Variants in ELAVL1 observed in about 807,000 individuals in gnomAD.
ELAVL1 encodes ELAV like RNA binding protein 1.
A neutral mutation model predicts 28.4 loss-of-function variants in ELAVL1; 1 was observed. The ratio of observed to expected loss-of-function variants is 0.04; its 90% CI spans 0.01 to 0.17. ELAVL1 has a LOEUF of 0.17. ELAVL1 is among the 10% of genes least tolerant of loss of function. ELAVL1 has a pLI of 1.00. For synonymous variants in ELAVL1, 174 were observed against 183.5 expected (o/e 0.95, Z 0.42); for missense variants, 157 against 447.2 (o/e 0.35, Z 5.85).
intron 1 of ELAVL1, among the ~76,000 whole-genome samples, chr19:8,001,204 C>A (rs2081066699): frequency 6.6e-6 from 1 of 152,204 alleles, no homozygotes; most frequent in East Asian, 1.9e-4. Context: ...ACCTCCCTGT[C>A]TGCAGCTACA....
At chr19:7,966,156 A>AC in intron 5 of ELAVL1, among the ~76,000 whole-genome samples, 1 of 152,022 alleles carries the variant, frequency 6.6e-6, no homozygotes, top group Non-Finnish European at 1.5e-5. Context: ...ACACAGTGAG[A>AC]CCCCATCTCA....
At chr19:7,997,589 C>T (rs547120837) in intron 1 of ELAVL1, among the ~76,000 whole-genome samples, 4 of 152,064 alleles carry the variant, frequency 2.6e-5, no homozygotes, top group Non-Finnish European at 5.9e-5. Context: ...CAACTTTATC[C>T]GTTTGTCAAA....
intron 1 of ELAVL1, among the ~76,000 whole-genome samples, chr19:7,996,221 AC>A (rs2081047704): frequency 6.9e-6 from 1 of 145,342 alleles, no homozygotes. Flanking sequence ...TTGCTCTGTC[AC>A]CCAGGCTGGA....
In ELAVL1 at chr19:7,959,707, C is replaced by T. The variant is rs985929897; in HGVS notation, c.*3776G>A. 2 of 152,200 alleles carry T rather than the reference C, an allele frequency of 1.3e-5. No individual in the cohort carries two copies. The highest frequency in any genetic ancestry group is 3.2e-3 in the Middle Eastern group (1 of 316). 9.4% of individuals were successfully genotyped at this position (152,200 alleles called of 1,614,324 possible). On this transcript the variant is annotated 3_prime_UTR_variant, in exon 6 of 6. Transcript: ENST00000407627. Reference sequence around the variant, plus strand: ...TCCGAGATTCAGATTCTACTGCCATCATTACACGCCAATTGCCAATGCCAC... The same window carrying T: ...TCCGAGATTCAGATTCTACTGCCATTATTACACGCCAATTGCCAATGCCAC...
intron 3 of ELAVL1, among the ~76,000 whole-genome samples, 187 bp from the exon 4 acceptor site, chr19:7,974,065 G>T (rs1452548623): frequency 2.6e-5 from 4 of 152,276 alleles, no homozygotes; most frequent in Non-Finnish European, 1.5e-5. Context: ...TGGGCCGTGA[G>T]CCAGGATGCC....
intron 5 of ELAVL1, among the ~76,000 whole-genome samples, chr19:7,966,209 C>A (rs1045631292): frequency 1.2e-4 from 18 of 152,126 alleles, no homozygotes; most frequent in African/African-American, 3.9e-4. Flanking sequence ...AAAGGGAAAT[C>A]TATCCTTGTC....
intron 1 of ELAVL1, among the ~76,000 whole-genome samples, chr19:8,000,653 G>C (rs2081064425): frequency 6.6e-6 from 1 of 152,204 alleles, no homozygotes. Flanking sequence ...TCTGCTGCCA[G>C]AAAAAACCCA....
chr19:7,973,404 G>GTAT (rs1368082567), intron 4 of ELAVL1: 3 of 400,802 alleles, frequency 7.5e-6, no homozygotes, highest in Non-Finnish European at 8.8e-6. Flanking sequence ...CTAATTTTTT[G>GTAT]TATTTTTAGT....
intron 1 of ELAVL1, among the ~76,000 whole-genome samples, chr19:7,997,142 G>A (rs2081052372): frequency 6.6e-6 from 1 of 152,188 alleles, no homozygotes; most frequent in South Asian, 2.1e-4. Context: ...CAGATTGGCA[G>A]TTTCTTATGG....
chr19:7,991,519 C>G (rs1005802421), intron 2 of ELAVL1, 125 bp downstream of exon 2: 25 of 953,494 alleles, frequency 2.6e-5, no homozygotes, highest in Non-Finnish European at 3.7e-5. Context: ...TGAAACTTCA[C>G]AGCCATCGTT....
At chr19:7,988,836 T>G (rs1245680965) in intron 2 of ELAVL1, among the ~76,000 whole-genome samples, 12 of 152,202 alleles carry the variant, frequency 7.9e-5, no homozygotes, top group Admixed American at 7.9e-4. Context: ...AGGAATTCCT[T>G]TCAAGACACT....
chr19:7,979,616 G>C lies in ELAVL1; in HGVS notation c.276+1467C>G, dbSNP rs116389504. ...CCACCTGGGGCTGGAGGCGAGGAAG[G>C]GCTGCCCCTGCTCAGGTGGAATCCC... On this transcript the variant is annotated intron_variant, in intron 3 of 5. Transcript: ENST00000407627. The surrounding 1 kb of genome is among the most constrained non-coding windows in gnomAD (Gnocchi z 5.4). Among the ~76,000 whole-genome samples the C allele has an allele frequency of 0.028, 4,248 of 152,314 alleles. 197 individuals are homozygous for C. Among genetic ancestry groups the C allele is most frequent in the African/African-American group, 0.095 (3,953 of 41,548 alleles).
intron 1 of ELAVL1, among the ~76,000 whole-genome samples, chr19:8,002,794 G>T (rs536473020): frequency 6.6e-6 from 1 of 152,306 alleles, no homozygotes; most frequent in Non-Finnish European, 1.5e-5. Flanking sequence ...GGCTGCAACA[G>T]GCAGGGAGGG....
At position 7,960,791 on chromosome 19, in the gene ELAVL1, T is replaced by G. The variant is rs548157433; in HGVS notation, c.*2692A>C. 3.3e-5 allele frequency: 5 copies of G among 152,640 alleles called. No homozygotes were observed. Among genetic ancestry groups the G allele is most frequent in the Admixed American group, 2.0e-4 (3 of 15,302 alleles). 9.5% of individuals were successfully genotyped at this position (152,640 alleles called of 1,614,324 possible). ...GAAATACAACTGATCTATGTAAAAT[T>G]TTTTAAGAAATGGTTTCTTTTGGGT... On this transcript the variant is annotated 3_prime_UTR_variant, in exon 6 of 6. Transcript: ENST00000407627.
intron 4 of ELAVL1, 102 bp downstream of exon 4, chr19:7,973,623 T>C: frequency 7.0e-7 from 1 of 1,423,996 alleles, no homozygotes; most frequent in South Asian, 1.3e-5. Context: ...GTTTGCGGAA[T>C]AACTAATGAC....
At chr19:7,976,551 C>T (rs1266226458) in intron 3 of ELAVL1, among the ~76,000 whole-genome samples, 1 of 152,158 alleles carries the variant, frequency 6.6e-6, no homozygotes, top group Non-Finnish European at 1.5e-5. Flanking sequence ...GTGCCAGAGA[C>T]CACCAGCCTC....
chr19:8,002,056 A>G (rs984942645), intron 1 of ELAVL1: 1 of 1,289,332 alleles, frequency 7.8e-7, no homozygotes, highest in Non-Finnish European at 1.0e-6. Flanking sequence ...GCCTACCTGC[A>G]GGGTAACAGC....
intron 1 of ELAVL1, among the ~76,000 whole-genome samples, chr19:7,992,939 C>T (rs1018104226): frequency 9.2e-5 from 14 of 152,160 alleles, no homozygotes; most frequent in African/African-American, 3.1e-4. Flanking sequence ...CCACGCCCGG[C>T]TGATTTTTAA....
At chr19:7,966,883 G>A (rs75687959) in intron 5 of ELAVL1, among the ~76,000 whole-genome samples, 2 of 152,144 alleles carry the variant, frequency 1.3e-5, no homozygotes, top group Non-Finnish European at 2.9e-5. Flanking sequence ...CCTCCTGAGA[G>A]CTGAGATTAC....
Sources: gnomAD v4.1 joint callset for allele counts (sites outside exome capture counted in the v4.1 genomes callset) on GRCh38, gnomAD v4.1.1 for gene constraint, Gnocchi (gnomAD v3.1) non-coding constraint, MANE v1.5 for transcripts, NCBI Gene and HGNC (gene_info 2026-07-23, HGNC 2026-07-21) for gene names.